Variants in COL4A1 observed in about 807,000 individuals in gnomAD.
The protein encoded by COL4A1 is collagen alpha-1(IV) chain.
Under a neutral mutation model 216.6 loss-of-function variants are expected in COL4A1, and 40 were observed. The ratio of observed to expected loss-of-function variants is 0.18; its 90% CI spans 0.14 to 0.24. The LOEUF (loss-of-function observed/expected upper bound fraction) is 0.24, where lower values mean the gene tolerates loss of function less well. Ranked by LOEUF, COL4A1 falls within the 10% of genes least tolerant of loss-of-function variation. The pLI is 1.00. For synonymous variants in COL4A1, 839 were observed against 810.7 expected (o/e 1.03, Z -0.59); for missense variants, 1,628 against 2,196.8 (o/e 0.74, Z 5.18).
chr13:110,207,909 G>A lies in COL4A1; in HGVS notation c.694-420C>T, dbSNP rs992690479. On this transcript the variant is annotated intron_variant, in intron 12 of 51. Transcript: ENST00000375820. This position sits in a 1 kb window ranked among gnomAD's most constrained non-coding sequence, Gnocchi z 4.4. ...ACAACCATCAAGAGTCTCCCTCCTC[G>A]GGCATCCTAACTGCCGGGTACGCCT... Among the ~76,000 whole-genome samples the A allele has an allele frequency of 7.2e-5, 11 of 151,778 alleles. No individual in the cohort carries two copies. The highest frequency in any genetic ancestry group is 9.7e-5 in the African/African-American group (4 of 41,298).
rs874203 is a variant in COL4A1, at chr13:110,175,227, T to A, written c.3189A>T (p.Arg1063=). The change falls in exon 37 of 52, where the codon CGA becomes CGT. Residue 1063 remains arginine, a synonymous_variant. Transcript: ENST00000375820. ...GPPGIGIPGL[R]GEKGDQGIAG... ...GCAGAGCGCTGGTTACCTTTTCACC[T>A]CGCAGCCCTGGGATGCCTATGCCAG... 0.36 allele frequency: 580,300 copies of A among 1,613,290 alleles called. 105,546 individuals carry two copies. Among genetic ancestry groups the A allele is most frequent in the Admixed American group, 0.38 (22,982 of 59,982 alleles).
chr13:110,198,078 G>GGGGTGT (rs1555305318), intron 21 of COL4A1, among the ~76,000 whole-genome samples: 66 of 141,932 alleles, frequency 4.7e-4, no homozygotes, highest in Admixed American at 2.0e-3. Flanking sequence ...TTGTTTCTGG[G>GGGGTGT]GTGTGTGTGT....
chr13:110,242,802 G>T, intron 1 of COL4A1, 68 bp from the exon 2 acceptor site: 2 of 1,539,020 alleles, frequency 1.3e-6, no homozygotes, highest in East Asian at 2.2e-5. Flanking sequence ...TGCAAATGGA[G>T]ATGGTTCTGG....
intron 1 of COL4A1, among the ~76,000 whole-genome samples, chr13:110,275,737 C>T (rs1883403157): frequency 6.6e-6 from 1 of 152,156 alleles, no homozygotes; most frequent in South Asian, 2.1e-4. Flanking sequence ...GCTATCAAGA[C>T]GTGAACAGAC....
intron 2 of COL4A1, among the ~76,000 whole-genome samples, chr13:110,214,722 C>T (rs568677915): frequency 1.3e-5 from 2 of 152,172 alleles, no homozygotes; most frequent in African/African-American, 4.8e-5. Flanking sequence ...GCTCTCCAGC[C>T]GCTGGCCTTG....
chr13:110,303,968 C>T (rs1056299398), intron 1 of COL4A1, among the ~76,000 whole-genome samples: 3 of 152,190 alleles, frequency 2.0e-5, no homozygotes, highest in Non-Finnish European at 2.9e-5. Flanking sequence ...AAATCATCTG[C>T]TTAAAAGCAG....
rs941281993 is a variant in COL4A1, at chr13:110,209,440, G to A, written c.616-13C>T. On this transcript the variant is annotated splice_polypyrimidine_tract_variant and intron_variant, in intron 10 of 51. Transcript: ENST00000375820. Reference sequence around the variant, plus strand: ...GGCCTGGGGGACCCTGGGAGAGACAGCATTTTAATTAAATAGGATTCAGAA... The same window carrying A: ...GGCCTGGGGGACCCTGGGAGAGACAACATTTTAATTAAATAGGATTCAGAA... 4.4e-6 allele frequency: 7 copies of A among 1,575,556 alleles called. No individual in the cohort carries two copies. Among genetic ancestry groups the A allele is most frequent in the Admixed American group, 3.7e-5 (2 of 53,960 alleles).
At position 110,203,629 on chromosome 13, in the gene COL4A1, T is replaced by G. The variant is rs755320831; in HGVS notation, c.958-22A>C. On this transcript the variant is annotated intron_variant, in intron 17 of 51. Coordinates refer to ENST00000375820, the MANE Select transcript of COL4A1 (RefSeq NM_001845.6). ...CTCCCTACAAAAGAAAAAATAACTT[T>G]CCTTGCATATTCTTACTATAAAGAT... 6.2e-6 allele frequency: 10 copies of G among 1,613,598 alleles called. No homozygotes were observed. The South Asian group carries it at 8.8e-5, about 14-fold the overall frequency.
Position 110,219,690 on chromosome 13 carries a change from G to GTATATATGTATA in COL4A1, c.145-5676_145-5675insTATACATATATA, listed in dbSNP as rs1555307880. ...TATATATATATATGTGTATATATAT[G>GTATATATGTATA]TATATATATGTATATACATATGTGT... On this transcript the variant is annotated intron_variant, in intron 2 of 51. Transcript: ENST00000375820. Among the ~76,000 whole-genome samples, 6 of 135,080 alleles carry GTATATATGTATA rather than the reference G, an allele frequency of 4.4e-5. No homozygotes were observed. The South Asian group carries it at 1.1e-3, about 25-fold the overall frequency. 88.6% of individuals were successfully genotyped at this position (135,080 alleles called of 152,430 possible).
intron 1 of COL4A1, among the ~76,000 whole-genome samples, chr13:110,297,701 T>C (rs1052559393): frequency 5.9e-5 from 9 of 152,166 alleles, no homozygotes; most frequent in African/African-American, 2.2e-4. Flanking sequence ...ACATCTATCA[T>C]ACCATTACCA....
intron 2 of COL4A1, among the ~76,000 whole-genome samples, chr13:110,227,733 T>G (rs557833645): frequency 6.6e-6 from 1 of 152,272 alleles, no homozygotes; most frequent in Non-Finnish European, 1.5e-5. Context: ...CACCCTTGGT[T>G]CTCCACAGGG....
intron 28 of COL4A1, among the ~76,000 whole-genome samples, chr13:110,182,411 G>A (rs998477281): frequency 6.6e-6 from 1 of 152,140 alleles, no homozygotes; most frequent in African/African-American, 2.4e-5. Context: ...TCCCTTTTGT[G>A]CTCACAGCAC....
At chr13:110,237,795 A>G (rs1318889140) in intron 2 of COL4A1, among the ~76,000 whole-genome samples, 1 of 152,242 alleles carries the variant, frequency 6.6e-6, no homozygotes, top group African/African-American at 2.4e-5. Flanking sequence ...AAGGTGTGAC[A>G]TGGACATACA....
intron 2 of COL4A1, among the ~76,000 whole-genome samples, chr13:110,215,582 A>T (rs1353647014): frequency 2.7e-5 from 4 of 149,140 alleles, no homozygotes; most frequent in Non-Finnish European, 6.0e-5. Flanking sequence ...AAAAACAACA[A>T]CCCATAACCA....
chr13:110,195,210 G>T, intron 21 of COL4A1, 92 bp from the exon 22 acceptor site: 1 of 1,019,404 alleles, frequency 9.8e-7, no homozygotes, highest in Non-Finnish European at 1.5e-6. Context: ...AATATTTTAG[G>T]CTATTTGACA....
chr13:110,192,068 G>A, intron 24 of COL4A1, 146 bp downstream of exon 24: 1 of 786,912 alleles, frequency 1.3e-6, no homozygotes. Context: ...GCCGCATGGA[G>A]TCACTCCAGA....
At chr13:110,205,122 T>C (rs1042618763) in intron 17 of COL4A1, among the ~76,000 whole-genome samples, 2 of 152,198 alleles carry the variant, frequency 1.3e-5, no homozygotes, top group Non-Finnish European at 2.9e-5. Flanking sequence ...AAAAATAATC[T>C]ACTACCAAAA....
At chr13:110,267,460 C>A (rs1172002303) in intron 1 of COL4A1, among the ~76,000 whole-genome samples, 1 of 152,118 alleles carries the variant, frequency 6.6e-6, no homozygotes, top group Non-Finnish European at 1.5e-5. Context: ...GGTGGTTGTA[C>A]AAGCAGAAGG....
At chr13:110,165,292 G>A (rs1346918907) in intron 45 of COL4A1, among the ~76,000 whole-genome samples, 1 of 152,104 alleles carries the variant, frequency 6.6e-6, no homozygotes, top group African/African-American at 2.4e-5. Flanking sequence ...AGCCCTCCCA[G>A]CAGGGAGAGA....
Sources: allele counts gnomAD v4.1 joint callset (sites outside exome capture counted in the v4.1 genomes callset), GRCh38; gene constraint gnomAD v4.1.1; non-coding constraint Gnocchi (gnomAD v3.1); transcripts MANE v1.5; gene names NCBI Gene and HGNC (gene_info 2026-07-23, HGNC 2026-07-21).